Variants in NOX4 observed in about 807,000 individuals in gnomAD.
The protein encoded by NOX4 is NADPH oxidase 4.
Under a neutral mutation model 87.6 loss-of-function variants are expected in NOX4, and 69 were observed. The observed-to-expected ratio is 0.79, with a 90% CI of 0.65 to 0.96. The LOEUF is 0.96. Among genes scored for constraint, NOX4 ranks in the 40% least tolerant of loss-of-function variants. The pLI is 0.00. For missense variants in NOX4, 680 were observed against 681.5 expected, an observed-to-expected ratio of 1.00 and a Z score of 0.02; for synonymous variants, 275 against 238.2, an observed-to-expected ratio of 1.15 and a Z score of -1.42.
intron 11 of NOX4, among the ~76,000 whole-genome samples, chr11:89,374,612 C>T (rs1939697512): frequency 6.6e-6 from 1 of 151,992 alleles, no homozygotes; most frequent in African/African-American, 2.4e-5. Flanking sequence ...AATAAAAAGA[C>T]AAGACAAAAT....
the NOX4 span, among the ~76,000 whole-genome samples, chr11:89,511,417 C>G: frequency 6.6e-6 from 1 of 151,812 alleles, no homozygotes; most frequent in Non-Finnish European, 1.5e-5. Flanking sequence ...TTCCCCCTAT[C>G]CTCTGGTAAC....
At chr11:89,459,678 G>T (rs1945363492) in intron 2 of NOX4, among the ~76,000 whole-genome samples, 1 of 151,960 alleles carries the variant, frequency 6.6e-6, no homozygotes, top group South Asian at 2.1e-4. Flanking sequence ...ACAAATGGAA[G>T]AACATTCCAT....
chr11:89,520,854 A>G, the NOX4 span, among the ~76,000 whole-genome samples: 1 of 152,222 alleles, frequency 6.6e-6, no homozygotes, highest in Non-Finnish European at 1.5e-5. Context: ...GTTTCAGGAT[A>G]CAAAATCAAT....
intron 11 of NOX4, among the ~76,000 whole-genome samples, chr11:89,379,763 T>C (rs1478789054): frequency 5.3e-5 from 8 of 152,180 alleles, no homozygotes; most frequent in African/African-American, 1.9e-4. Flanking sequence ...ATGGAATACA[T>C]TTTGTTAACT....
intron 12 of NOX4, among the ~76,000 whole-genome samples, chr11:89,365,767 A>AAAAC (rs1938927789): frequency 6.6e-6 from 1 of 151,398 alleles, no homozygotes; most frequent in South Asian, 2.1e-4. Flanking sequence ...AAAAAAAAAA[A>AAAAC]AAAAAAAAAC....
At chr11:89,428,859 G>C (rs1347637792) in intron 7 of NOX4, among the ~76,000 whole-genome samples, 3 of 152,154 alleles carry the variant, frequency 2.0e-5, no homozygotes, top group Non-Finnish European at 4.4e-5. Context: ...TCTGCACCAA[G>C]CGGACCTAAT....
chr11:89,584,043 A>G, the NOX4 span, among the ~76,000 whole-genome samples: 1 of 152,096 alleles, frequency 6.6e-6, no homozygotes, highest in Non-Finnish European at 1.5e-5. Flanking sequence ...TTCTGTTACT[A>G]TCGTAACAGT....
the NOX4 span, among the ~76,000 whole-genome samples, chr11:89,576,158 A>G: frequency 6.6e-6 from 1 of 152,322 alleles, no homozygotes; most frequent in African/African-American, 2.4e-5. Flanking sequence ...AAGGTGTACA[A>G]CTTTAAAACT....
At chr11:89,430,917 A>G (rs1351021159) in intron 7 of NOX4, among the ~76,000 whole-genome samples, 1 of 152,186 alleles carries the variant, frequency 6.6e-6, no homozygotes. Context: ...AGCCAAAAGA[A>G]CAAAGCTGGA....
intron 11 of NOX4, among the ~76,000 whole-genome samples, chr11:89,382,605 C>T (rs904854237): frequency 6.6e-6 from 1 of 151,846 alleles, no homozygotes. Context: ...CCTTTTCTAC[C>T]GACCCATCTG....
the NOX4 span, among the ~76,000 whole-genome samples, chr11:89,536,634 T>G: frequency 9.9e-5 from 15 of 152,238 alleles, 1 homozygote. Context: ...TTATTAACAC[T>G]ACTTCCATTG....
chr11:89,360,421 T>C (rs2135001342), intron 12 of NOX4, among the ~76,000 whole-genome samples: 1 of 152,206 alleles, frequency 6.6e-6, no homozygotes, highest in South Asian at 2.1e-4. Context: ...CACTTCACAA[T>C]GCATATGTAT....
At chr11:89,366,908 C>T (rs1939044025) in intron 12 of NOX4, among the ~76,000 whole-genome samples, 1 of 151,974 alleles carries the variant, frequency 6.6e-6, no homozygotes, top group African/African-American at 2.4e-5. Context: ...ATTTAACGTT[C>T]ATAAAATGAG....
chr11:89,532,719 G>A, the NOX4 span, among the ~76,000 whole-genome samples: 1 of 152,114 alleles, frequency 6.6e-6, no homozygotes, highest in African/African-American at 2.4e-5. Context: ...ATATGATTTT[G>A]TTCTGTGTCC....
upstream of NOX4, among the ~76,000 whole-genome samples, chr11:89,501,997 T>A (rs1947027177): frequency 6.6e-6 from 1 of 152,048 alleles, no homozygotes; most frequent in African/African-American, 2.4e-5. Context: ...AACTTGTAAG[T>A]TTGTAAGTTG....
chr11:89,375,696 G>A (rs538040189), intron 11 of NOX4, among the ~76,000 whole-genome samples: 3 of 152,242 alleles, frequency 2.0e-5, no homozygotes, highest in African/African-American at 7.2e-5. Flanking sequence ...AACCACCCAC[G>A]ATTTAACTAT....
At chr11:89,526,218 A>T in the NOX4 span, among the ~76,000 whole-genome samples, 1 of 152,316 alleles carries the variant, frequency 6.6e-6, no homozygotes. Context: ...TCTGTCAATT[A>T]ATTAAAAACA....
At chr11:89,493,062 C>A (rs1946899280), upstream of NOX4, among the ~76,000 whole-genome samples, 1 of 152,202 alleles carries the variant, frequency 6.6e-6, no homozygotes, top group African/African-American at 2.4e-5. Flanking sequence ...AGTAGCCCTC[C>A]ATGTGCGTGT....
chr11:89,583,072 ACAC>A, the NOX4 span, among the ~76,000 whole-genome samples: 12 of 152,278 alleles, frequency 7.9e-5, no homozygotes, highest in South Asian at 1.0e-3. Flanking sequence ...AATCAAAATA[ACAC>A]CACTTCTTTT....
Sources: gnomAD v4.1 joint callset for allele counts (sites outside exome capture counted in the v4.1 genomes callset) on GRCh38, gnomAD v4.1.1 for gene constraint, MANE v1.5 for transcripts, NCBI Gene and HGNC (gene_info 2026-07-23, HGNC 2026-07-21) for gene names.